DHRSX: variants seen among roughly 807,000 people sequenced by gnomAD.
The protein encoded by DHRSX is dehydrogenase/reductase X-linked.
Under a neutral mutation model 34.0 loss-of-function variants are expected in DHRSX, and 31 were observed. That is an observed-to-expected ratio of 0.91 (90% CI 0.69 to 1.23). The LOEUF (loss-of-function observed/expected upper bound fraction) is 1.23. Ranked by LOEUF, DHRSX falls within the 50% of genes most tolerant of loss-of-function variation. DHRSX has a pLI of 0.00. For missense variants in DHRSX, 414 were observed against 428.1 expected (o/e 0.97, Z 0.29); for synonymous variants, 201 against 183.8 (o/e 1.09, Z -0.76).
intron 1 of DHRSX, among the ~76,000 whole-genome samples, chrX:2,429,614 A>AT (rs1226673858): frequency 1.1e-5 from 1 of 90,482 alleles, no homozygotes; most frequent in Non-Finnish European, 2.0e-5. Flanking sequence ...CACTTGGCTA[A>AT]TTTTTTTTAC....
intron 6 of DHRSX, among the ~76,000 whole-genome samples, chrX:2,231,811 C>T (rs2015892614): frequency 8.7e-6 from 1 of 114,558 alleles, no homozygotes; most frequent in African/African-American, 4.3e-5. Flanking sequence ...CCCTCTCTCT[C>T]CCTTCCTCTT....
intron 6 of DHRSX, among the ~76,000 whole-genome samples, chrX:2,227,289 G>A (rs989442293): frequency 4.0e-5 from 6 of 151,448 alleles, no homozygotes; most frequent in African/African-American, 7.3e-5. Flanking sequence ...TTGAGTGAAA[G>A]GGAAGGAGAA....
intron 1 of DHRSX, among the ~76,000 whole-genome samples, chrX:2,430,562 A>G (rs2043906088): frequency 6.6e-6 from 1 of 152,096 alleles, no homozygotes; most frequent in South Asian, 2.1e-4. Flanking sequence ...CTTCTACCCA[A>G]TTCCTCGCCG....
chrX:2,341,822 T>A (rs1181316112), intron 3 of DHRSX, among the ~76,000 whole-genome samples: 1 of 150,896 alleles, frequency 6.6e-6, no homozygotes, highest in Non-Finnish European at 1.5e-5. Context: ...GTTTTGTTTT[T>A]AAATGGAGTT....
At chrX:2,359,485 G>C (rs1465140483) in intron 3 of DHRSX, among the ~76,000 whole-genome samples, 1 of 152,098 alleles carries the variant, frequency 6.6e-6, no homozygotes, top group Non-Finnish European at 1.5e-5. Flanking sequence ...AGACCAGTCT[G>C]GCCAACACAT....
intron 6 of DHRSX, among the ~76,000 whole-genome samples, chrX:2,222,231 CCA>C (rs1285219621): frequency 2.2e-4 from 33 of 152,148 alleles, no homozygotes; most frequent in African/African-American, 7.7e-4. Context: ...CATTTGATGT[CCA>C]GAGTTTTTAC....
Position 2,370,436 on chromosome X carries a change from T to C in DHRSX, c.286+38309A>G, listed in dbSNP as rs921747483. ...ATCCACCCGCCTCGGCATCCCAAAG[T>C]GCTGGGATGACAGTCTGAGCCACCG... On this transcript the variant is annotated intron_variant, in intron 3 of 6. Transcript: ENST00000334651. Among the ~76,000 whole-genome samples the C allele has an allele frequency of 6.6e-5, 10 of 152,174 alleles. No homozygotes were observed. The South Asian group carries it at 2.1e-3, about 32-fold the overall frequency.
chrX:2,338,956 AG>A (rs1175234140), intron 3 of DHRSX, among the ~76,000 whole-genome samples: 1 of 151,820 alleles, frequency 6.6e-6, no homozygotes, highest in East Asian at 1.9e-4. Context: ...TCCCCATATG[AG>A]CTCAGAAACT....
chrX:2,342,403 G>T (rs1234156089), intron 3 of DHRSX, among the ~76,000 whole-genome samples: 1 of 151,990 alleles, frequency 6.6e-6, no homozygotes, highest in Non-Finnish European at 1.5e-5. Context: ...CTCACGGATT[G>T]TCCCGGGGCT....
chrX:2,464,358 T>G (rs1352133904), intron 1 of DHRSX, among the ~76,000 whole-genome samples: 1 of 67,754 alleles, frequency 1.5e-5, no homozygotes, highest in Non-Finnish European at 3.1e-5. Flanking sequence ...GCCGCTGATG[T>G]GCACACACTG....
chrX:2,344,959 T>C lies in DHRSX; in HGVS notation c.287-53356A>G, dbSNP rs2042686029. On this transcript the variant is annotated intron_variant, in intron 3 of 6. Transcript: ENST00000334651. The stretch of plus-strand genomic sequence containing the variant: ...ATTTCAAATTAATGATGTAAAAATT[T>C]TGAATTTTATAAATTTGAATATGAC... 2.0e-5 allele frequency among the ~76,000 whole-genome samples: 3 copies of C among 148,442 alleles called. No homozygotes were observed. In the South Asian group the frequency reaches 6.4e-4, roughly 32 times the overall value.
intron 3 of DHRSX, among the ~76,000 whole-genome samples, chrX:2,331,436 GTTTTTTTTTTTTTTT>G (rs1159991841): frequency 5.3e-5 from 5 of 94,658 alleles, no homozygotes; most frequent in Admixed American, 1.4e-4. Context: ...AGGTTTTTTG[GTTTTTTTTTTTTTTT>G]TTTTTTTTTT....
chrX:2,484,195 ACTCCTGAC>A (rs1220542128), intron 1 of DHRSX, among the ~76,000 whole-genome samples: 12 of 151,538 alleles, frequency 7.9e-5, no homozygotes, highest in African/African-American at 2.9e-4. Flanking sequence ...CTGGTCTTGA[ACTCCTGAC>A]CTCAGGCGAT....
At chrX:2,445,874 T>G (rs6642181) in intron 1 of DHRSX, among the ~76,000 whole-genome samples, 53,932 of 146,720 alleles carry the variant, frequency 0.37, 10,702 homozygotes, top group African/African-American at 0.55. Flanking sequence ...GCTAAGGGAC[T>G]CCGCCATGTA....
In DHRSX at chrX:2,346,653, T is replaced by TGTTG. The variant is rs1556483989; in HGVS notation, c.287-55051_287-55050insCAAC. ...GATGTTGTATGAGTCTGGTTTTTTT[T>TGTTG]TTGTTGTTGTTGTTTAATACTTTAA... is the stretch of plus-strand genomic sequence containing the variant. On this transcript the variant is annotated intron_variant, in intron 3 of 6. Transcript: ENST00000334651. 3.0e-4 allele frequency among the ~76,000 whole-genome samples: 45 copies of TGTTG among 150,842 alleles called. 1 individual carries two copies. The highest frequency in any genetic ancestry group is 7.7e-4 in the East Asian group (4 of 5,162).
chrX:2,220,895 G>A lies in DHRSX; in HGVS notation c.*146C>T. 1 of 677,850 alleles carries A rather than the reference G, an allele frequency of 1.5e-6. No individual in the cohort carries two copies. The highest frequency in any genetic ancestry group is 2.4e-6 in the Non-Finnish European group (1 of 409,290). 42.0% of individuals were successfully genotyped at this position (677,850 alleles called of 1,614,324 possible). ...TTTGGCTTCTTGAAGTTCTGCAGAG[G>A]TTGAGGCAGCTGTCTCAAAACTAGA... On this transcript the variant is annotated 3_prime_UTR_variant, in exon 7 of 7. Transcript: ENST00000334651.
At chrX:2,242,492 C>A (rs1256047033) in intron 6 of DHRSX, among the ~76,000 whole-genome samples, 1 of 152,100 alleles carries the variant, frequency 6.6e-6, no homozygotes, top group Non-Finnish European at 1.5e-5. Context: ...GAGGCTGAGA[C>A]CTGCTGGGCT....
At chrX:2,335,175 A>G (rs1463738490) in intron 3 of DHRSX, among the ~76,000 whole-genome samples, 3 of 137,560 alleles carry the variant, frequency 2.2e-5, no homozygotes, top group Non-Finnish European at 3.2e-5. Flanking sequence ...ACAGAGTAGG[A>G]CTCCATCTCA....
At chrX:2,333,477 C>T (rs190710598) in intron 3 of DHRSX, among the ~76,000 whole-genome samples, 47 of 152,186 alleles carry the variant, frequency 3.1e-4, no homozygotes, top group Non-Finnish European at 5.3e-4. Context: ...TGCAATGGTG[C>T]GATCCCGGCT....
Sources: allele counts gnomAD v4.1 joint callset (sites outside exome capture counted in the v4.1 genomes callset), GRCh38; gene constraint gnomAD v4.1.1; transcripts MANE v1.5; gene names NCBI Gene and HGNC (gene_info 2026-07-23, HGNC 2026-07-21).